The following UNC80 variants were observed in gnomAD, a reference collection of about 807,000 sequenced individuals.
UNC80 encodes protein unc-80 homolog.
A neutral mutation model predicts 384.6 loss-of-function variants in UNC80; 164 were observed. The observed-to-expected ratio is 0.43, with a 90% CI of 0.38 to 0.49. UNC80 has a LOEUF of 0.49. UNC80 is among the 20% of genes least tolerant of loss of function. The pLI is 0.00. For missense variants in UNC80, 3,330 were observed against 4,143.0 expected, an observed-to-expected ratio of 0.80 and a Z score of 5.39; for synonymous variants, 1,486 against 1,527.8, an observed-to-expected ratio of 0.97 and a Z score of 0.64.
intron 2 of UNC80, among the ~76,000 whole-genome samples, chr2:209,773,754 T>C (rs2076712814): frequency 3.9e-5 from 6 of 152,218 alleles, no homozygotes; most frequent in Non-Finnish European, 1.5e-5. Context: ...GGAGTGCCTG[T>C]GAAAGAACTA....
chr2:209,979,469 G>A (rs992139928), intron 59 of UNC80, among the ~76,000 whole-genome samples: 2 of 152,166 alleles, frequency 1.3e-5, no homozygotes, highest in African/African-American at 4.8e-5. Flanking sequence ...GAAAAGACCA[G>A]TTGGCTCTAC....
chr2:209,782,133 A>C (rs751033096), intron 4 of UNC80, among the ~76,000 whole-genome samples: 1 of 152,172 alleles, frequency 6.6e-6, no homozygotes, highest in Admixed American at 6.5e-5. Context: ...TGTCTCATAA[A>C]ATCTAACCTC....
At chr2:209,929,327 AG>A (rs1315913393) in intron 36 of UNC80, among the ~76,000 whole-genome samples, 1 of 152,168 alleles carries the variant, frequency 6.6e-6, no homozygotes, top group African/African-American at 2.4e-5. Context: ...CTTTCTCATT[AG>A]GATTAATTAT....
intron 6 of UNC80, among the ~76,000 whole-genome samples, chr2:209,791,690 G>A (rs774819010): frequency 3.3e-5 from 5 of 151,792 alleles, no homozygotes; most frequent in Non-Finnish European, 4.4e-5. Context: ...GTGTGGTGGT[G>A]GACACCTGTG....
At position 209,904,889 on chromosome 2, in the gene UNC80, A is replaced by G. The variant is rs1258499887; in HGVS notation, c.4706A>G (p.Tyr1569Cys). The G allele has an allele frequency of 3.2e-6, 5 of 1,551,832 alleles. No homozygotes were observed. The highest frequency in any genetic ancestry group is 4.4e-6 in the Non-Finnish European group (5 of 1,147,012). ...CTGGTCAGAGCCATCAAGCTACTCT[A>G]TGGAGACAGTGTGGACTCCCTGAGG... Reference protein sequence around the residue: ...ARLVRAIKLLYGDSVDSLRES... With the variant: ...ARLVRAIKLLCGDSVDSLRES... The change falls in exon 29 of 65, where the codon TAT (tyrosine) becomes TGT (cysteine). Residue 1569 changes from tyrosine to cysteine, a missense_variant. This residue lies in a region of UNC80 where 801 missense variants were observed against 950.8 expected (regional missense o/e 0.84). Coordinates refer to ENST00000673920, the MANE Select transcript of UNC80 (RefSeq NM_001371986.1).
chr2:209,982,463 A>G (rs1413732846), intron 60 of UNC80, 146 bp downstream of exon 60: 4 of 1,055,644 alleles, frequency 3.8e-6, no homozygotes, highest in African/African-American at 3.3e-5. Flanking sequence ...GGATTTGTCA[A>G]CTAGGTTCCT....
chr2:209,972,109 G>A (rs1391260090), intron 54 of UNC80, 92 bp from the exon 55 acceptor site: 8 of 1,439,704 alleles, frequency 5.6e-6, no homozygotes, highest in Non-Finnish European at 7.4e-6. Flanking sequence ...GCAGCCAGCA[G>A]GGAGTCACCG....
chr2:209,942,563 A>G (rs1055776774), intron 44 of UNC80, among the ~76,000 whole-genome samples: 8 of 152,182 alleles, frequency 5.3e-5, no homozygotes, highest in African/African-American at 1.4e-4. Context: ...CTAGTTCTCT[A>G]TTTTTGAGGA....
intron 9 of UNC80, among the ~76,000 whole-genome samples, 184 bp from the exon 10 acceptor site, chr2:209,816,725 A>C (rs1207720128): frequency 6.6e-6 from 1 of 152,178 alleles, no homozygotes; most frequent in Non-Finnish European, 1.5e-5. Context: ...CCTTTTACTT[A>C]GTTTCTTTCA....
At position 209,926,956 on chromosome 2, in the gene UNC80, G is replaced by C; in HGVS notation, c.5776G>C (p.Asp1926His). The C allele has an allele frequency of 6.4e-7, 1 of 1,552,116 alleles. No individual in the cohort carries two copies. The highest frequency in any genetic ancestry group is 8.7e-7 in the Non-Finnish European group (1 of 1,147,034). The change falls in exon 36 of 65, where the codon GAT becomes CAT. Residue 1926 changes from aspartate (D) to histidine (H), a missense_variant. By Grantham distance (81) the Asp-to-His change is moderately conservative. This residue lies in a region of UNC80 where 1,049 missense variants were observed against 1,488.6 expected (regional missense o/e 0.70). Transcript: ENST00000673920. ...AVLPIVHLME[D>H]GEVREDGVAV... ...ACTTCCCATTGTTCATCTGATGGAG[G>C]ATGGTGAGGTGCGGGAAGATGGAGT...
At chr2:209,810,031 A>G (rs1574540137) in intron 7 of UNC80, among the ~76,000 whole-genome samples, 2 of 152,170 alleles carry the variant, frequency 1.3e-5, no homozygotes, top group Non-Finnish European at 1.5e-5. Flanking sequence ...AGGTTTGACT[A>G]TGCAATAATC....
intron 56 of UNC80, among the ~76,000 whole-genome samples, chr2:209,974,443 G>A (rs985955791): frequency 1.3e-5 from 2 of 152,226 alleles, no homozygotes; most frequent in African/African-American, 4.8e-5. Context: ...GGCTCACCAT[G>A]TACAGGAAGG....
rs2093478203 is a variant in UNC80, at chr2:209,995,996, T to G, written c.*401T>G. 6.4e-6 allele frequency: 1 copy of G among 155,416 alleles called. No individual in the cohort carries two copies. The highest frequency in any genetic ancestry group is 2.4e-5 in the African/African-American group (1 of 41,478). 9.6% of individuals were successfully genotyped at this position (155,416 alleles called of 1,614,324 possible). ...ACTCACATTATACATCTCATGCAAA[T>G]ATTTATTTTTATAGTTTAAAAAATA... On this transcript the variant is annotated 3_prime_UTR_variant, in exon 65 of 65. Coordinates refer to ENST00000673920, the MANE Select transcript of UNC80 (RefSeq NM_001371986.1).
intron 7 of UNC80, among the ~76,000 whole-genome samples, chr2:209,797,698 G>A (rs2078254289): frequency 6.6e-6 from 1 of 152,198 alleles, no homozygotes; most frequent in South Asian, 2.1e-4. Flanking sequence ...TTGGTCAAAT[G>A]GTATTTCTGG....
chr2:209,782,758 T>C (rs1254454996), intron 4 of UNC80, among the ~76,000 whole-genome samples: 3 of 152,152 alleles, frequency 2.0e-5, no homozygotes, highest in Non-Finnish European at 4.4e-5. Context: ...AAATAGTTTA[T>C]ATAAAATTCA....
chr2:209,847,665 T>A (rs766481454), intron 21 of UNC80, among the ~76,000 whole-genome samples: 1 of 152,070 alleles, frequency 6.6e-6, no homozygotes, highest in Non-Finnish European at 1.5e-5. Flanking sequence ...TTTAGTAGTA[T>A]TGAATACAAT....
At chr2:209,938,775 C>T (rs913309123) in intron 42 of UNC80, among the ~76,000 whole-genome samples, 4 of 150,508 alleles carry the variant, frequency 2.7e-5, no homozygotes, top group African/African-American at 9.8e-5. Flanking sequence ...TCAAAGAATG[C>T]CATCAAATGG....
intron 25 of UNC80, among the ~76,000 whole-genome samples, chr2:209,882,194 C>G (rs980338468): frequency 1.3e-5 from 2 of 152,074 alleles, no homozygotes; most frequent in Admixed American, 1.3e-4. Flanking sequence ...TCTCGATCTC[C>G]TGACCTCATG....
chr2:209,809,397 T>C, intron 7 of UNC80: 1 of 1,265,176 alleles, frequency 7.9e-7, no homozygotes, highest in Non-Finnish European at 1.2e-6. Flanking sequence ...CCCACACTGG[T>C]GAGAAGCCCT....
Sources: gnomAD v4.1 joint callset for allele counts (sites outside exome capture counted in the v4.1 genomes callset) on GRCh38, gnomAD v4.1.1 for gene constraint, gnomAD v4.1.1 regional missense constraint, MANE v1.5 for transcripts, NCBI Gene and HGNC (gene_info 2026-07-23, HGNC 2026-07-21) for gene names.